SLC13A3: variants seen among roughly 807,000 people sequenced by gnomAD.
SLC13A3 encodes the protein solute carrier family 13 member 3.
Under a neutral mutation model 59.0 loss-of-function variants are expected in SLC13A3, and 40 were observed. The ratio of observed to expected loss-of-function variants is 0.68; its 90% CI spans 0.53 to 0.88. SLC13A3 has a LOEUF of 0.88. Among genes scored for constraint, SLC13A3 ranks in the 40% least tolerant of loss-of-function variants. The pLI is 0.00. For missense variants in SLC13A3, 699 were observed against 783.2 expected (o/e 0.89, Z 1.28); for synonymous variants, 317 against 330.3 (o/e 0.96, Z 0.44).
In SLC13A3 at chr20:46,560,176, T is replaced by G. The variant is rs1331401607; in HGVS notation, c.1655A>C (p.Asn552Thr). Residue 552 changes from asparagine to threonine, a missense_variant, in exon 13 of 13, where the codon AAC (asparagine) becomes ACC (threonine). Transcript: ENST00000279027. The stretch of plus-strand genomic sequence containing the variant: ...ACTGAGCAGCAGGACACCCATCAGG[T>G]TCATCAGGAGGCCTGTCCGCACCTG... ...KDMVRTGLLMNLMGVLLLSLA... is the reference protein window; with the variant it reads ...KDMVRTGLLMTLMGVLLLSLA... 6.2e-7 allele frequency: 1 copy of G among 1,613,994 alleles called. No homozygotes were observed. The highest frequency in any genetic ancestry group is 8.5e-7 in the Non-Finnish European group (1 of 1,179,972).
At chr20:46,563,357 G>T (rs2061947999) in intron 12 of SLC13A3, 57 bp downstream of exon 12, 2 of 1,578,394 alleles carry the variant, frequency 1.3e-6, no homozygotes, top group Admixed American at 1.7e-5. Flanking sequence ...GGCCTTGCCC[G>T]CCCCCTTGCG....
chr20:46,582,544 G>A (rs1343840772), intron 9 of SLC13A3: 6 of 717,230 alleles, frequency 8.4e-6, no homozygotes, highest in East Asian at 1.3e-4. Flanking sequence ...TCGAGACTGC[G>A]CTGAGCTGTG....
intron 3 of SLC13A3, chr20:46,608,867 G>A (rs2062462798): frequency 6.5e-7 from 1 of 1,546,560 alleles, no homozygotes. Flanking sequence ...TCAAGATGTG[G>A]CTCCTGTCTT....
chr20:46,618,810 C>A (rs1019763325), intron 1 of SLC13A3, among the ~76,000 whole-genome samples: 1 of 152,198 alleles, frequency 6.6e-6, no homozygotes, highest in Non-Finnish European at 1.5e-5. Context: ...CGCTTCAGTG[C>A]CCATCATTCC....
intron 9 of SLC13A3, chr20:46,583,225 G>T: frequency 1.8e-6 from 1 of 545,178 alleles, no homozygotes; most frequent in Non-Finnish European, 2.4e-6. Flanking sequence ...TTTGATACAT[G>T]GACACTGAAA....
At chr20:46,565,812 A>G (rs1262521152) in intron 11 of SLC13A3, among the ~76,000 whole-genome samples, 1 of 152,204 alleles carries the variant, frequency 6.6e-6, no homozygotes, top group African/African-American at 2.4e-5. Flanking sequence ...TCAGCCCCAT[A>G]CAGAGAATGA....
At position 46,651,382 on chromosome 20, in the gene SLC13A3, C is replaced by T; in HGVS notation, c.40G>A (p.Ala14Thr). The T allele has an allele frequency of 6.6e-7, 1 of 1,506,090 alleles. No individual in the cohort carries two copies. The highest frequency in any genetic ancestry group is 1.3e-5 in the South Asian group (1 of 79,864). The allele number at this position is 1,506,090 out of a possible 1,614,324, so 93.3% of individuals were successfully genotyped here. Reference protein sequence around the residue: ...LAAAAKKVWSARRLLVLLFTP... With the variant: ...LAAAAKKVWSTRRLLVLLFTP... ...AACAGCAGCACCAGCAGCCGCCGCG[C>T]GCTCCACACCTTCTTGGCCGCTGCT... Residue 14 changes from alanine to threonine, a missense_variant, in exon 1 of 13, where the codon GCG (alanine) becomes ACG (threonine). Physicochemically the swap from Ala to Thr is moderately conservative, Grantham distance 58. Coordinates refer to ENST00000279027, the MANE Select transcript of SLC13A3 (RefSeq NM_022829.6).
rs1402233084 is a variant in SLC13A3 at position 46,558,090 on chromosome 20, G to A, written c.*1932C>T. Reference sequence around the variant, plus strand: ...AGATAATAAGAAAATAAGTTATACAGTGTCCTATTAAGGAGAAATTATAGC... The same window carrying A: ...AGATAATAAGAAAATAAGTTATACAATGTCCTATTAAGGAGAAATTATAGC... On this transcript the variant is annotated 3_prime_UTR_variant, in exon 13 of 13. Coordinates refer to ENST00000279027, the MANE Select transcript of SLC13A3 (RefSeq NM_022829.6). 1 of 34,300 alleles carries A rather than the reference G, an allele frequency of 2.9e-5. No individual in the cohort carries two copies. The highest frequency in any genetic ancestry group is 5.0e-5 in the Non-Finnish European group (1 of 20,018). The allele number at this position is 34,300 out of a possible 1,614,324, so 2.1% of individuals were successfully genotyped here. A position where few individuals can be genotyped will look rare whatever the true frequency, so the allele number is the denominator to read the frequency against.
intron 3 of SLC13A3, among the ~76,000 whole-genome samples, chr20:46,603,356 A>G (rs1457931384): frequency 3.3e-5 from 5 of 152,130 alleles, no homozygotes; most frequent in African/African-American, 1.2e-4. Context: ...GTGTGGCTAA[A>G]CTTTTATTTG....
At chr20:46,595,401 C>G (rs1439735744) in intron 5 of SLC13A3, among the ~76,000 whole-genome samples, 1 of 152,128 alleles carries the variant, frequency 6.6e-6, no homozygotes, top group African/African-American at 2.4e-5. Context: ...CTTTTATCCT[C>G]GTGCCCTGAC....
chr20:46,653,252 T>C (rs1295468549), upstream of SLC13A3, among the ~76,000 whole-genome samples: 2 of 152,358 alleles, frequency 1.3e-5, no homozygotes, highest in Middle Eastern at 3.4e-3. Flanking sequence ...ATTTCTAATT[T>C]TGATGTAGTT....
chr20:46,636,367 T>C (rs1215172320), intron 1 of SLC13A3, among the ~76,000 whole-genome samples: 1 of 152,184 alleles, frequency 6.6e-6, no homozygotes, highest in African/African-American at 2.4e-5. Context: ...CCTAGAATAG[T>C]AGCTGGTACC....
chr20:46,618,032 T>C (rs548851665), intron 1 of SLC13A3, among the ~76,000 whole-genome samples: 10 of 152,164 alleles, frequency 6.6e-5, no homozygotes, highest in Non-Finnish European at 1.2e-4. Flanking sequence ...ATAAATTAAC[T>C]CTTGGACCCC....
intron 1 of SLC13A3, among the ~76,000 whole-genome samples, chr20:46,675,215 CT>C (rs1235386634): frequency 6.6e-6 from 1 of 151,418 alleles, no homozygotes; most frequent in Non-Finnish European, 1.5e-5. Context: ...AGTGGTTTTC[CT>C]TTTTTTCTTT....
intron 1 of SLC13A3, among the ~76,000 whole-genome samples, chr20:46,647,397 T>C (rs2062905849): frequency 6.6e-6 from 1 of 152,098 alleles, no homozygotes; most frequent in South Asian, 2.1e-4. Flanking sequence ...GGCTGGAGCT[T>C]ATTTGTAAGC....
chr20:46,656,988 T>C (rs887693151), intron 1 of SLC13A3, among the ~76,000 whole-genome samples: 2 of 152,192 alleles, frequency 1.3e-5, no homozygotes, highest in Non-Finnish European at 2.9e-5. Context: ...GTCTTCTGTT[T>C]CTTTGCTGAG....
chr20:46,593,678 A>G (rs923939181), intron 5 of SLC13A3, among the ~76,000 whole-genome samples: 10 of 152,330 alleles, frequency 6.6e-5, no homozygotes, highest in African/African-American at 2.2e-4. Flanking sequence ...AATAATTATT[A>G]TAAAATGAAA....
chr20:46,612,898 C>G (rs1030660983), intron 2 of SLC13A3, among the ~76,000 whole-genome samples: 2 of 152,200 alleles, frequency 1.3e-5, no homozygotes, highest in Admixed American at 1.3e-4. Flanking sequence ...TGCATCCCCC[C>G]ACCTTCAACT....
chr20:46,578,630 T>C (rs1228667535), intron 9 of SLC13A3, among the ~76,000 whole-genome samples: 1 of 151,940 alleles, frequency 6.6e-6, no homozygotes, highest in African/African-American at 2.4e-5. Flanking sequence ...GAGCTGAGAT[T>C]GTGTGGCTGC....
Sources: allele counts gnomAD v4.1 joint callset (sites outside exome capture counted in the v4.1 genomes callset), GRCh38; gene constraint gnomAD v4.1.1; transcripts MANE v1.5; gene names NCBI Gene and HGNC (gene_info 2026-07-23, HGNC 2026-07-21).